ATP1A3: variants seen among roughly 807,000 people sequenced by gnomAD.
The protein encoded by ATP1A3 is ATPase Na+/K+ transporting subunit alpha 3, also known as sodium/potassium-transporting ATPase subunit alpha-3.
A neutral mutation model predicts 108.8 loss-of-function variants in ATP1A3; 12 were observed. The ratio of observed to expected loss-of-function variants is 0.11; its 90% CI spans 0.07 to 0.18. The LOEUF (loss-of-function observed/expected upper bound fraction) is 0.18. ATP1A3 is among the 10% of genes least tolerant of loss of function. The pLI is 1.00. For missense variants in ATP1A3, 498 were observed against 1,387.7 expected, an observed-to-expected ratio of 0.36 and a Z score of 10.19; for synonymous variants, 539 against 564.5, an observed-to-expected ratio of 0.95 and a Z score of 0.64.
chr19:41,984,878 C>T (rs1555864717), intron 8 of ATP1A3, 40 bp downstream of exon 8: 1 of 1,590,728 alleles, frequency 6.3e-7, no homozygotes, highest in Non-Finnish European at 8.6e-7. Context: ...AGCCCAGACC[C>T]CCAGGCCCTC....
Position 41,978,787 on chromosome 19 carries a change from A to G in ATP1A3, c.1449T>C (p.His483=). The G allele has an allele frequency of 6.2e-7, 1 of 1,613,782 alleles. No homozygotes were observed. The highest frequency in any genetic ancestry group is 8.5e-7 in the Non-Finnish European group (1 of 1,179,866). Residue 483 remains histidine (H), a synonymous_variant, in exon 12 of 23, where the codon CAT becomes CAC. Transcript: ENST00000648268. This position sits in a 1 kb window ranked among gnomAD's most constrained non-coding sequence, Gnocchi z 8.3. ...GGTTGTCGTTGGGGTCCTCGGTCTC[A>G]TGGATGGAGAGCTGGGGACCGATCA... is the stretch of plus-strand genomic sequence containing the variant. ...NSTNKYQLSI[H]ETEDPNDNRY...
intron 8 of ATP1A3, chr19:41,984,715 G>C: frequency 1.6e-6 from 1 of 608,816 alleles, no homozygotes; most frequent in Non-Finnish European, 2.8e-6. Flanking sequence ...TCTTTCACAA[G>C]AATACTGTGA....
At position 41,985,872 on chromosome 19, in the gene ATP1A3, C is replaced by G; in HGVS notation, c.598G>C (p.Gly200Arg). ...CCTAGGCCCAGGCCCACCTTGCAGC[C>G]GTGGGCTGAGATGATCCGCAGGTCA... ...PADLRIISAHGCKVDNSSLTG... is the reference protein window; with the variant it reads ...PADLRIISAHRCKVDNSSLTG... Residue 200 changes from glycine (G) to arginine (R), a missense_variant, in exon 6 of 23, where the codon GGC becomes CGC. Around this residue, in one of 9 missense-constraint regions of ATP1A3, gnomAD observed 127 missense variants for 464.0 expected, o/e 0.27. Transcript: ENST00000648268. The surrounding 1 kb of genome is among the most constrained non-coding windows in gnomAD (Gnocchi z 8.2). 1 of 1,614,030 alleles carries G rather than the reference C, an allele frequency of 6.2e-7. No homozygotes were observed. Among genetic ancestry groups the G allele is most frequent in the Non-Finnish European group, 8.5e-7 (1 of 1,179,988 alleles).
At chr19:41,977,722 A>T (rs1383535025) in intron 14 of ATP1A3, among the ~76,000 whole-genome samples, 1 of 152,100 alleles carries the variant, frequency 6.6e-6, no homozygotes, top group Non-Finnish European at 1.5e-5. Flanking sequence ...AATAAATAAA[A>T]TAAAATAAAG....
At chr19:41,972,865 G>A (rs71337588) in intron 16 of ATP1A3, among the ~76,000 whole-genome samples, 19 of 115,638 alleles carry the variant, frequency 1.6e-4, no homozygotes, top group East Asian at 5.0e-4. Flanking sequence ...AAGGAAAGAA[G>A]GAAGGAAGGC....
At chr19:41,972,881 GGCAGGGAC>G (rs2145954310) in intron 16 of ATP1A3, among the ~76,000 whole-genome samples, 3 of 149,766 alleles carry the variant, frequency 2.0e-5, no homozygotes, top group African/African-American at 7.4e-5. Flanking sequence ...AAGGCAGGCA[GGCAGGGAC>G]GGAGGGAGGG....
At chr19:41,982,886 T>C (rs1255026865) in intron 8 of ATP1A3, among the ~76,000 whole-genome samples, 1 of 152,140 alleles carries the variant, frequency 6.6e-6, no homozygotes, top group African/African-American at 2.4e-5. Context: ...GGGGTTACCC[T>C]TGGGTTGGGG....
In ATP1A3 at chr19:41,967,566, C is replaced by T. The variant is rs2075057143; in HGVS notation, c.2921+96G>A. Reference sequence around the variant, plus strand: ...CAGAATGGGGACTGCAGTGGGGACACCAGGGGAGGTGGGGCCTGAGGTTCA... The same window carrying T: ...CAGAATGGGGACTGCAGTGGGGACATCAGGGGAGGTGGGGCCTGAGGTTCA... On this transcript the variant is annotated intron_variant, in intron 21 of 22. Transcript: ENST00000648268. The surrounding 1 kb of genome is among the most constrained non-coding windows in gnomAD (Gnocchi z 4.2). The T allele has an allele frequency of 7.4e-7, 1 of 1,352,766 alleles. No homozygotes were observed. Among genetic ancestry groups the T allele is most frequent in the African/African-American group, 1.4e-5 (1 of 69,424 alleles). The allele number at this position is 1,352,766 out of a possible 1,614,324, so 83.8% of individuals were successfully genotyped here.
chr19:41,970,866 T>C (rs1375790744), intron 16 of ATP1A3, among the ~76,000 whole-genome samples: 1 of 151,842 alleles, frequency 6.6e-6, no homozygotes, highest in East Asian at 1.9e-4. Context: ...TCTCCTGACC[T>C]CGTGATCTGC....
chr19:41,970,088 C>T (rs2075086495), intron 18 of ATP1A3, 97 bp downstream of exon 18: 21 of 1,603,928 alleles, frequency 1.3e-5, no homozygotes, highest in Middle Eastern at 1.7e-4. Context: ...GTCTGCTCCC[C>T]TGAGTCAATG....
intron 1 of ATP1A3, chr19:41,993,148 A>ACC (rs1555867975): frequency 4.9e-6 from 1 of 202,386 alleles, no homozygotes; most frequent in Non-Finnish European, 9.8e-6. Context: ...CATCCCACCT[A>ACC]CCCCCACCCA....
Position 41,972,857 on chromosome 19 carries a change from GGAAA to G in ATP1A3, c.2264-2319_2264-2316del, listed in dbSNP as rs1442957465. On this transcript the variant is annotated intron_variant, in intron 16 of 22. Coordinates refer to ENST00000648268, the MANE Select transcript of ATP1A3 (RefSeq NM_152296.5). ...AGGAAGGAAGGAAGGAAGGAAGGAA[GGAAA>G]GAAGGAAGGAAGGCAGGCAGGCAGG... Among the ~76,000 whole-genome samples the G allele has an allele frequency of 1.1e-3, 144 of 130,666 alleles. 2 individuals carry two copies. Among genetic ancestry groups the G allele is most frequent in the Middle Eastern group, 3.9e-3 (1 of 258 alleles). The allele number at this position is 130,666 out of a possible 152,430, so 85.7% of individuals were successfully genotyped here.
At chr19:41,976,114 T>G (rs559328528) in intron 15 of ATP1A3, among the ~76,000 whole-genome samples, 1 of 55,166 alleles carries the variant, frequency 1.8e-5, no homozygotes, top group South Asian at 6.7e-4. Context: ...CAGCCCCTCC[T>G]CCCTCAGACC....
intron 4 of ATP1A3, 37 bp downstream of exon 4, chr19:41,987,899 T>C (rs1413333436): frequency 4.4e-6 from 7 of 1,608,556 alleles, no homozygotes; most frequent in Non-Finnish European, 5.9e-6. Flanking sequence ...TAAATAAATG[T>C]GCAGAGCCTT....
At chr19:41,982,159 T>C in intron 8 of ATP1A3, 53 bp from the exon 9 acceptor site, 2 of 1,612,638 alleles carry the variant, frequency 1.2e-6, no homozygotes, top group Non-Finnish European at 1.7e-6. Context: ...GGCAGCAGGG[T>C]TGGATGAGCG....
intron 1 of ATP1A3, chr19:41,993,524 C>T: frequency 3.3e-6 from 4 of 1,230,416 alleles, no homozygotes; most frequent in Non-Finnish European, 3.4e-6. Context: ...CACACACACA[C>T]ACACACACAC....
Position 41,985,779 on chromosome 19 carries a change from T to A in ATP1A3, c.606+85A>T. The A allele has an allele frequency of 1.3e-6, 2 of 1,581,700 alleles. No individual in the cohort carries two copies. The highest frequency in any genetic ancestry group is 1.7e-6 in the Non-Finnish European group (2 of 1,164,858). ...AGGGAGGAGGGGTTGGGACCTGGAC[T>A]CCTGAGTGTGAGGGAGGAGGGGCTG... On this transcript the variant is annotated intron_variant, in intron 6 of 22. Coordinates refer to ENST00000648268, the MANE Select transcript of ATP1A3 (RefSeq NM_152296.5). This position sits in a 1 kb window ranked among gnomAD's most constrained non-coding sequence, Gnocchi z 8.2.
chr19:41,983,861 G>C (rs1219484520), intron 8 of ATP1A3, among the ~76,000 whole-genome samples: 1 of 138,754 alleles, frequency 7.2e-6, no homozygotes, highest in African/African-American at 2.7e-5. Flanking sequence ...TGCAAGCTCT[G>C]CCTCCTAGGC....
intron 16 of ATP1A3, among the ~76,000 whole-genome samples, chr19:41,974,688 G>A (rs782459137): frequency 1.3e-5 from 2 of 152,314 alleles, no homozygotes; most frequent in African/African-American, 2.4e-5. Context: ...GCGAGGTTAC[G>A]GGTGATTCTA....
Sources: allele counts gnomAD v4.1 joint callset (sites outside exome capture counted in the v4.1 genomes callset), GRCh38; gene constraint gnomAD v4.1.1; regional missense constraint gnomAD v4.1.1; non-coding constraint Gnocchi (gnomAD v3.1); transcripts MANE v1.5; gene names NCBI Gene and HGNC (gene_info 2026-07-23, HGNC 2026-07-21).